The following PBK variants were observed in gnomAD, a reference collection of about 807,000 sequenced individuals.
PBK encodes the protein lymphokine-activated killer T-cell-originated protein kinase.
PBK carries 22 observed loss-of-function variants against 33.5 expected under a neutral mutation model. The ratio of observed to expected loss-of-function variants is 0.66; its 90% confidence interval spans 0.47 to 0.94. The LOEUF (loss-of-function observed/expected upper bound fraction) is 0.94, where lower values mean the gene tolerates loss of function less well. PBK is among the 40% of genes least tolerant of loss of function. The pLI is 0.00. For synonymous variants in PBK, 129 were observed against 123.8 expected (o/e 1.04, Z -0.28); for missense variants, 376 against 383.4 (o/e 0.98, Z 0.16).
chr8:27,817,587 CT>C (rs1805842990), intron 6 of PBK, among the ~76,000 whole-genome samples: 1 of 151,016 alleles, frequency 6.6e-6, no homozygotes. Context: ...TATCTTGAAA[CT>C]TTTGCGCAAT....
intron 1 of PBK, among the ~76,000 whole-genome samples, chr8:27,836,490 G>A (rs148787082): frequency 6.6e-6 from 1 of 151,792 alleles, no homozygotes; most frequent in East Asian, 1.9e-4. Context: ...ATGGCAGCAC[G>A]CAGACGTTAT....
intron 5 of PBK, 125 bp downstream of exon 5, chr8:27,822,194 C>T: frequency 5.8e-6 from 4 of 694,694 alleles, no homozygotes; most frequent in Non-Finnish European, 9.6e-6. Context: ...TTTCCGCTAA[C>T]CCCTTTTTGG....
chr8:27,833,185 C>G (rs911063138), intron 1 of PBK, 52 bp from the exon 2 acceptor site: 7 of 972,146 alleles, frequency 7.2e-6, no homozygotes, highest in Non-Finnish European at 1.1e-5. Flanking sequence ...GAATACAACT[C>G]TCATTCATGA....
chr8:27,812,136 C>T (rs1435803778), intron 6 of PBK: 3 of 152,136 alleles, frequency 2.0e-5, no homozygotes, highest in African/African-American at 7.2e-5. Context: ...GAGCAGGCAT[C>T]CTGGTCTTGT....
chr8:27,820,202 T>G (rs1317849663), intron 6 of PBK, among the ~76,000 whole-genome samples: 1 of 152,192 alleles, frequency 6.6e-6, no homozygotes, highest in East Asian at 1.9e-4. Flanking sequence ...TCTACCAGTT[T>G]CCTAAATCTT....
chr8:27,823,204 A>C lies in PBK; in HGVS notation c.154T>G (p.Ser52Ala), dbSNP rs745560003. ...TGVNVYLMKR[S>A]PRGLSHSPWA... ...GGAGAATGAGACAAACCTCTTGGAG[A>C]TCTAAGAAAAAAATTCATTTAAAAA... Residue 52 changes from serine (S) to alanine (A), a missense_variant and splice_region_variant, in exon 4 of 8, where the codon TCT becomes GCT. Coordinates refer to ENST00000301905, the MANE Select transcript of PBK (RefSeq NM_018492.4). 1 of 1,492,424 alleles carries C rather than the reference A, an allele frequency of 6.7e-7. No individual in the cohort carries two copies. The highest frequency in any genetic ancestry group is 9.1e-7 in the Non-Finnish European group (1 of 1,097,854). The allele number at this position is 1,492,424 out of a possible 1,614,324, so 92.4% of individuals were successfully genotyped here.
chr8:27,836,491 C>A lies in PBK; in HGVS notation c.-21+1161G>T, dbSNP rs573863825. ...TTTAAGTTTGTGGGATGGCAGCACG[C>A]AGACGTTATTAAAGCCAAGAGACTA... is the stretch of plus-strand genomic sequence containing the variant. On this transcript the variant is annotated intron_variant, in intron 1 of 7. Transcript: ENST00000301905. Among the ~76,000 whole-genome samples the A allele has an allele frequency of 2.4e-4, 37 of 151,682 alleles. No homozygotes were observed. In the South Asian group the frequency reaches 4.4e-3, roughly 18 times the overall value.
At chr8:27,832,917 G>A in intron 2 of PBK, 139 bp downstream of exon 2, 2 of 578,898 alleles carry the variant, frequency 3.5e-6, no homozygotes, top group Non-Finnish European at 6.1e-6. Context: ...AGTCTTATTT[G>A]TTAAGATTAA....
At position 27,837,637 on chromosome 8, in the gene PBK, A is replaced by T. The variant is rs930413455; in HGVS notation, c.-21+15T>A. On this transcript the variant is annotated intron_variant, in intron 1 of 7. Coordinates refer to ENST00000301905, the MANE Select transcript of PBK (RefSeq NM_018492.4). The stretch of plus-strand genomic sequence containing the variant: ...CGGCCCCCGCCAGGGCTCGCAAAAA[A>T]AAAGCTCCTCTTACCAGAGTCTCAC... 1 of 152,284 alleles carries T rather than the reference A, an allele frequency of 6.6e-6. No individual in the cohort carries two copies. Among genetic ancestry groups the T allele is most frequent in the Non-Finnish European group, 1.5e-5 (1 of 68,096 alleles). 9.4% of individuals were successfully genotyped at this position (152,284 alleles called of 1,614,324 possible).
At chr8:27,821,042 T>TGTC (rs1338750936) in intron 5 of PBK, among the ~76,000 whole-genome samples, 1 of 151,914 alleles carries the variant, frequency 6.6e-6, no homozygotes, top group Admixed American at 6.5e-5. Flanking sequence ...CAGGCTGGTC[T>TGTC]GTCTCGAACT....
intron 6 of PBK, among the ~76,000 whole-genome samples, chr8:27,819,992 G>C (rs1036555703): frequency 2.0e-5 from 3 of 152,004 alleles, no homozygotes; most frequent in African/African-American, 7.2e-5. Flanking sequence ...TTTAACTTCT[G>C]TTGATATAAA....
At chr8:27,815,116 T>A (rs943726918) in intron 6 of PBK, among the ~76,000 whole-genome samples, 1 of 152,072 alleles carries the variant, frequency 6.6e-6, no homozygotes, top group Non-Finnish European at 1.5e-5. Context: ...TCTCCAGAAC[T>A]GAAGGAAAGT....
Position 27,830,313 on chromosome 8 carries a change from C to CA in PBK, c.59-2116_59-2115insT, listed in dbSNP as rs140239688. On this transcript the variant is annotated intron_variant, in intron 2 of 7. Transcript: ENST00000301905. ...GATACAAAGGAAAATCTGAGCATAACGGAAAAAAAAAGACAAAATAGAAGC... is the reference window on the plus strand; with the variant it reads ...GATACAAAGGAAAATCTGAGCATAACAGGAAAAAAAAAGACAAAATAGAAGC... Among the ~76,000 whole-genome samples the CA allele has an allele frequency of 3.3e-3, 483 of 147,434 alleles. 2 individuals are homozygous for CA. The highest frequency in any genetic ancestry group is 9.3e-3 in the African/African-American group (372 of 40,068).
chr8:27,811,216 T>C (rs773065423), intron 6 of PBK, 82 bp from the exon 7 acceptor site: 2 of 1,151,600 alleles, frequency 1.7e-6, no homozygotes, highest in Non-Finnish European at 2.6e-6. Flanking sequence ...AGGCGAACGA[T>C]TTGAACAAGT....
At chr8:27,821,256 A>T (rs1223625372) in intron 5 of PBK, among the ~76,000 whole-genome samples, 1 of 151,700 alleles carries the variant, frequency 6.6e-6, no homozygotes, top group Non-Finnish European at 1.5e-5. Flanking sequence ...AAAATAAATA[A>T]TTATAAGTTA....
chr8:27,815,609 C>T (rs1165114490), intron 6 of PBK, among the ~76,000 whole-genome samples: 4 of 152,144 alleles, frequency 2.6e-5, no homozygotes, highest in African/African-American at 4.8e-5. Flanking sequence ...AGTATATACA[C>T]GTATATGTGT....
chr8:27,827,511 T>A (rs7831693), intron 3 of PBK, among the ~76,000 whole-genome samples: 23,954 of 152,006 alleles, frequency 0.16, 2,392 homozygotes, highest in East Asian at 0.37. Flanking sequence ...GTCAACAGAG[T>A]GAGACTCTGT....
intron 6 of PBK, among the ~76,000 whole-genome samples, chr8:27,815,120 G>A (rs1805785221): frequency 1.3e-5 from 2 of 152,056 alleles, no homozygotes; most frequent in Non-Finnish European, 2.9e-5. Flanking sequence ...CAGAACTGAA[G>A]GAAAGTTCTG....
chr8:27,818,004 A>G (rs1763891283), intron 6 of PBK, among the ~76,000 whole-genome samples: 1 of 152,228 alleles, frequency 6.6e-6, no homozygotes, highest in African/African-American at 2.4e-5. Context: ...TAATGTAAAT[A>G]GCAACATGCA....
Sources: allele counts gnomAD v4.1 joint callset (sites outside exome capture counted in the v4.1 genomes callset), GRCh38; gene constraint gnomAD v4.1.1; transcripts MANE v1.5; gene names NCBI Gene and HGNC (gene_info 2026-07-23, HGNC 2026-07-21).